Variants in RNF17 observed in about 807,000 individuals in gnomAD.
RNF17 encodes the protein ring finger protein 17, also known as spermatogenesis associated 23.
Under a neutral mutation model 200.5 loss-of-function variants are expected in RNF17, and 31 were observed. The observed-to-expected ratio is 0.15, with a 90% CI of 0.12 to 0.21. The LOEUF is 0.21. RNF17 is among the 10% of genes least tolerant of loss of function. RNF17 has a pLI of 1.00. For missense variants in RNF17, 1,628 were observed against 1,905.1 expected, an observed-to-expected ratio of 0.85 and a Z score of 2.71; for synonymous variants, 606 against 637.8, an observed-to-expected ratio of 0.95 and a Z score of 0.75.
chr13:24,763,985 A>G (rs539213826), upstream of RNF17, among the ~76,000 whole-genome samples: 1 of 152,348 alleles, frequency 6.6e-6, no homozygotes, highest in African/African-American at 2.4e-5. Context: ...CGTAAAAACG[A>G]ACGGTCCTCA....
Position 24,868,741 on chromosome 13 carries a change from G to A in RNF17, c.4278+25G>A, listed in dbSNP as rs115297121. On this transcript the variant is annotated intron_variant, in intron 31 of 35. Coordinates refer to ENST00000255324, the MANE Select transcript of RNF17 (RefSeq NM_031277.3). The stretch of plus-strand genomic sequence containing the variant: ...AGTATGTGATCTAAATGATTAGTTG[G>A]TGATTAAAAATGTAACAAGCTGTCT... 1,245 of 1,198,514 alleles carry A rather than the reference G, an allele frequency of 1.0e-3. 19 individuals carry two copies. The African/African-American group carries it at 0.017, about 17-fold the overall frequency. The allele number at this position is 1,198,514 out of a possible 1,614,324, so 74.2% of individuals were successfully genotyped here.
intron 9 of RNF17, 35 bp from the exon 10 acceptor site, chr13:24,793,005 CTG>C (rs1566139998): frequency 1.5e-6 from 2 of 1,337,480 alleles, no homozygotes; most frequent in South Asian, 2.8e-5. Context: ...CCATATACCT[CTG>C]TATTCATAGC....
At chr13:24,824,211 A>G (rs1888392718) in intron 15 of RNF17, 2 of 713,654 alleles carry the variant, frequency 2.8e-6, no homozygotes, top group Admixed American at 4.0e-5. Context: ...TGATCTAATA[A>G]AGTTGGTTGA....
Position 24,879,295 on chromosome 13 carries a change from T to TGTAA in RNF17, c.*10+3_*10+6dup. 1 of 1,565,998 alleles carries TGTAA rather than the reference T, an allele frequency of 6.4e-7. No individual in the cohort carries two copies. The highest frequency in any genetic ancestry group is 8.8e-7 in the Non-Finnish European group (1 of 1,136,496). On this transcript the variant is annotated splice_region_variant and 3_prime_UTR_variant. Coordinates refer to ENST00000255324, the MANE Select transcript of RNF17 (RefSeq NM_031277.3). ...AGATAAAGATGAATAAGTGCCTAAGTGTAAGTTCTCATTCTCTTCATAGCA... is the reference window on the plus strand; with the variant it reads ...AGATAAAGATGAATAAGTGCCTAAGTGTAAGTAAGTTCTCATTCTCTTCATAGCA...
intron 15 of RNF17, among the ~76,000 whole-genome samples, chr13:24,812,272 T>A (rs1048679569): frequency 6.6e-5 from 10 of 151,798 alleles, no homozygotes; most frequent in Non-Finnish European, 1.5e-4. Flanking sequence ...GATCTCAGAC[T>A]GCTGTGCTAG....
At chr13:24,879,478 G>T (rs1593517128) in intron 35 of RNF17, among the ~76,000 whole-genome samples, 183 bp downstream of exon 35, 1 of 152,174 alleles carries the variant, frequency 6.6e-6, no homozygotes, top group East Asian at 1.9e-4. Context: ...TCCCCTATCT[G>T]TAAGGATGCC....
the RNF17 span, among the ~76,000 whole-genome samples, chr13:24,748,493 C>A: frequency 1.3e-5 from 2 of 152,204 alleles, no homozygotes; most frequent in Non-Finnish European, 2.9e-5. Context: ...TTTAGTGTAA[C>A]CTTTTCACAC....
chr13:24,839,167 A>G (rs1320718134), intron 18 of RNF17, among the ~76,000 whole-genome samples: 1 of 152,200 alleles, frequency 6.6e-6, no homozygotes, highest in East Asian at 1.9e-4. Flanking sequence ...GAAAGAAATC[A>G]TAGAGGACAT....
intron 19 of RNF17, among the ~76,000 whole-genome samples, chr13:24,842,845 C>T (rs1321465402): frequency 1.3e-5 from 2 of 151,798 alleles, no homozygotes; most frequent in Admixed American, 6.6e-5. Context: ...ATTAGCTGGG[C>T]GTGGTGGCGT....
chr13:24,802,264 C>A, intron 13 of RNF17, 117 bp from the exon 14 acceptor site: 2 of 833,994 alleles, frequency 2.4e-6, no homozygotes, highest in Non-Finnish European at 3.7e-6. Context: ...CTAATGTCTG[C>A]GGTTGGTTCA....
chr13:24,787,428 G>GA (rs1302748095), intron 6 of RNF17, among the ~76,000 whole-genome samples: 1 of 152,142 alleles, frequency 6.6e-6, no homozygotes, highest in Non-Finnish European at 1.5e-5. Flanking sequence ...GGGCATTTGA[G>GA]AAAATAGCTG....
rs541276165 is a variant in RNF17, at chr13:24,837,395, C to T, written c.2483-4646C>T. 3.7e-4 allele frequency among the ~76,000 whole-genome samples: 56 copies of T among 152,114 alleles called. 1 individual carries two copies. Among genetic ancestry groups the T allele is most frequent in the Non-Finnish European group, 7.4e-4 (50 of 68,016 alleles). ...CTTAACAGATATATACAGAACATTT[C>T]ATCCAACAACCGTAGAATACCCATT... On this transcript the variant is annotated intron_variant, in intron 18 of 35. Transcript: ENST00000255324.
In RNF17 at chr13:24,870,695, A is replaced by C. The variant is rs759297455; in HGVS notation, c.4403A>C (p.Asn1468Thr). The C allele has an allele frequency of 6.2e-7, 1 of 1,614,212 alleles. No individual in the cohort carries two copies. The highest frequency in any genetic ancestry group is 8.5e-7 in the Non-Finnish European group (1 of 1,180,026). The change falls in exon 32 of 36, where the codon AAT (asparagine) becomes ACT (threonine). Residue 1468 changes from asparagine to threonine, a missense_variant. Asn to Thr is a moderately conservative substitution (Grantham distance 65). Coordinates refer to ENST00000255324, the MANE Select transcript of RNF17 (RefSeq NM_031277.3). ...ESLDEALQRV[N>T]KKVEALPPLT... is the part of the protein sequence containing the mutation. Reference sequence around the variant, plus strand: ...CTTGATGAAGCACTGCAGAGGGTTAATAAGAAGGTAGAGGCGCTTCCTCCT... The same window carrying C: ...CTTGATGAAGCACTGCAGAGGGTTACTAAGAAGGTAGAGGCGCTTCCTCCT...
At chr13:24,754,683 G>A in the RNF17 span, among the ~76,000 whole-genome samples, 1 of 152,004 alleles carries the variant, frequency 6.6e-6, no homozygotes, top group African/African-American at 2.4e-5. Context: ...TTGAGACCAG[G>A]GTTTGAGACT....
chr13:24,785,305 C>G (rs975762442), intron 6 of RNF17, among the ~76,000 whole-genome samples: 1 of 152,054 alleles, frequency 6.6e-6, no homozygotes, highest in Non-Finnish European at 1.5e-5. Flanking sequence ...CCTAATTTCC[C>G]TTGTGATTTA....
At chr13:24,880,996 C>T (rs1168285681), downstream of RNF17, among the ~76,000 whole-genome samples, 1 of 152,048 alleles carries the variant, frequency 6.6e-6, no homozygotes, top group Non-Finnish European at 1.5e-5. Flanking sequence ...AATAGTTTGT[C>T]CATTTTTCTA....
chr13:24,774,347 T>C (rs1193098674), intron 2 of RNF17, among the ~76,000 whole-genome samples: 6 of 152,156 alleles, frequency 3.9e-5, no homozygotes, highest in Admixed American at 3.3e-4. Context: ...GTAGCTGGGA[T>C]TACAGGCGCC....
chr13:24,866,843 CTG>C, intron 30 of RNF17, among the ~76,000 whole-genome samples: 1 of 152,304 alleles, frequency 6.6e-6, no homozygotes, highest in South Asian at 2.1e-4. Flanking sequence ...ATCTCCAAGA[CTG>C]TTTCCCAAAG....
chr13:24,792,927 T>C, intron 9 of RNF17, 115 bp from the exon 10 acceptor site: 1 of 708,420 alleles, frequency 1.4e-6, no homozygotes, highest in South Asian at 2.1e-5. Flanking sequence ...GGCTATTGAA[T>C]AATCATGCCC....
Sources: allele counts gnomAD v4.1 joint callset (sites outside exome capture counted in the v4.1 genomes callset), GRCh38; gene constraint gnomAD v4.1.1; transcripts MANE v1.5; gene names NCBI Gene and HGNC (gene_info 2026-07-23, HGNC 2026-07-21).